Variants in DGKB observed in about 807,000 individuals in gnomAD.
The protein encoded by DGKB is 90 kDa diacylglycerol kinase.
In DGKB, 67 loss-of-function variants were observed where a neutral mutation model predicts 114.3. That is an observed-to-expected ratio of 0.59 (90% CI 0.48 to 0.72). The LOEUF (loss-of-function observed/expected upper bound fraction) is 0.72, where lower values mean the gene tolerates loss of function less well. Among genes scored for constraint, DGKB ranks in the 30% least tolerant of loss-of-function variants. DGKB has a pLI of 0.00. For synonymous variants in DGKB, 398 were observed against 323.1 expected (o/e 1.23, Z -2.49); for missense variants, 907 against 975.2 (o/e 0.93, Z 0.93).
At chr7:14,877,303 C>A (rs2128207070) in intron 1 of DGKB, among the ~76,000 whole-genome samples, 1 of 152,270 alleles carries the variant, frequency 6.6e-6, no homozygotes, top group East Asian at 1.9e-4. Context: ...TGCCTGTAAT[C>A]CCAGCACTTT....
At chr7:14,367,315 T>A (rs1035971198) in intron 21 of DGKB, among the ~76,000 whole-genome samples, 1 of 152,028 alleles carries the variant, frequency 6.6e-6, no homozygotes, top group Non-Finnish European at 1.5e-5. Flanking sequence ...GTGAGAGGGA[T>A]CCAGTGACAG....
chr7:14,712,138 G>A (rs1585890239), intron 6 of DGKB, among the ~76,000 whole-genome samples: 1 of 151,944 alleles, frequency 6.6e-6, no homozygotes, highest in Non-Finnish European at 1.5e-5. Flanking sequence ...TTAAATGTAA[G>A]GAAAAAGTGG....
At chr7:14,758,775 C>A (rs924776158) in intron 2 of DGKB, among the ~76,000 whole-genome samples, 1 of 152,106 alleles carries the variant, frequency 6.6e-6, no homozygotes, top group African/African-American at 2.4e-5. Context: ...CTCATAGATG[C>A]CCATTGAATA....
Position 14,958,966 on chromosome 7 carries a change from T to C in DGKB, c.-188+15730A>G, listed in dbSNP as rs186153927. ...GAATCCAAATAAAAAGCTAACCACA[T>C]GATTCCAAAGTTTTATTCTGGAATT... On this transcript the variant is annotated intron_variant, in intron 1 of 4. Coordinates refer to the DGKB transcript ENST00000437998. 1.2e-4 allele frequency among the ~76,000 whole-genome samples: 18 copies of C among 152,194 alleles called. No individual in the cohort carries two copies. In the East Asian group the frequency reaches 1.7e-3, roughly 15 times the overall value.
chr7:14,447,638 T>G (rs1830906902), intron 21 of DGKB, among the ~76,000 whole-genome samples: 1 of 152,110 alleles, frequency 6.6e-6, no homozygotes. Context: ...TCTCCATCAT[T>G]GCATCCTAAA....
At chr7:14,321,136 C>T (rs901731766) in intron 23 of DGKB, among the ~76,000 whole-genome samples, 2 of 151,818 alleles carry the variant, frequency 1.3e-5, no homozygotes, top group Non-Finnish European at 2.9e-5. Flanking sequence ...ACAAAAAATA[C>T]AAAACTTAGC....
In DGKB at chr7:14,535,104, T is replaced by G. The variant is rs535948493; in HGVS notation, c.1770+39108A>C. Among the ~76,000 whole-genome samples, 3 of 152,240 alleles carry G rather than the reference T, an allele frequency of 2.0e-5. No homozygotes were observed. In the East Asian group the frequency reaches 5.8e-4, roughly 29 times the overall value. ...AGAATAAATGGCAAGGCACAGTGGC[T>G]CACACTTGTAATCCCAAAATTTTGG... On this transcript the variant is annotated intron_variant, in intron 20 of 25. Coordinates refer to ENST00000402815, the MANE Select transcript of DGKB (RefSeq NM_001350709.2).
At chr7:14,965,968 G>C (rs974207247) in intron 1 of DGKB, among the ~76,000 whole-genome samples, 5 of 151,910 alleles carry the variant, frequency 3.3e-5, no homozygotes, top group African/African-American at 1.2e-4. Context: ...TCCCAAATCT[G>C]ATACCCTGGT....
chr7:14,721,655 A>T (rs949960144), intron 5 of DGKB, among the ~76,000 whole-genome samples: 2 of 152,188 alleles, frequency 1.3e-5, no homozygotes, highest in Non-Finnish European at 1.5e-5. Flanking sequence ...CTTATATAAA[A>T]GAAATATGGG....
intron 2 of DGKB, among the ~76,000 whole-genome samples, chr7:14,815,559 C>T (rs1844013837): frequency 6.6e-6 from 1 of 152,186 alleles, no homozygotes; most frequent in Non-Finnish European, 1.5e-5. Context: ...TACATAGGTG[C>T]TATGGCACAT....
intron 9 of DGKB, among the ~76,000 whole-genome samples, chr7:14,693,621 C>T (rs919644121): frequency 2.0e-5 from 3 of 151,128 alleles, no homozygotes; most frequent in African/African-American, 7.3e-5. Context: ...TTTGGCACCA[C>T]TAATCTTTAA....
chr7:14,459,810 T>C (rs1244335455), intron 21 of DGKB, among the ~76,000 whole-genome samples: 1 of 151,466 alleles, frequency 6.6e-6, no homozygotes, highest in African/African-American at 2.4e-5. Flanking sequence ...TTCACCAAGG[T>C]TGAAATGAAG....
intron 13 of DGKB, among the ~76,000 whole-genome samples, chr7:14,667,089 C>G (rs1818167078): frequency 6.6e-6 from 1 of 152,018 alleles, no homozygotes; most frequent in South Asian, 2.1e-4. Context: ...TTATAAAAAG[C>G]ATTTCATCAG....
intron 7 of DGKB, among the ~76,000 whole-genome samples, chr7:14,698,606 G>A (rs1267406461): frequency 6.6e-6 from 1 of 152,064 alleles, no homozygotes; most frequent in Non-Finnish European, 1.5e-5. Context: ...AATATACATT[G>A]ACTGTTTTAG....
intron 20 of DGKB, among the ~76,000 whole-genome samples, chr7:14,503,016 C>T (rs565381302): frequency 1.2e-4 from 19 of 152,190 alleles, no homozygotes; most frequent in African/African-American, 4.3e-4. Context: ...CTAGCTCTTT[C>T]TTTGACTTTC....
intron 21 of DGKB, among the ~76,000 whole-genome samples, chr7:14,371,702 G>A (rs1023177218): frequency 2.6e-5 from 4 of 152,116 alleles, no homozygotes; most frequent in South Asian, 4.1e-4. Context: ...GATAATTTTT[G>A]CTTTTGTTGC....
intron 25 of DGKB, among the ~76,000 whole-genome samples, chr7:14,155,542 G>A (rs181368943): frequency 1.6e-3 from 247 of 152,162 alleles, no homozygotes; most frequent in African/African-American, 5.6e-3. Context: ...TTAGGGGCTG[G>A]TGCCATACCA....
chr7:14,715,292 G>T (rs796451764), intron 6 of DGKB, among the ~76,000 whole-genome samples: 23 of 152,284 alleles, frequency 1.5e-4, no homozygotes, highest in African/African-American at 5.5e-4. Flanking sequence ...GTTCTCGACA[G>T]TTACAAGGCT....
chr7:14,970,433 C>A (rs927539828), intron 1 of DGKB, among the ~76,000 whole-genome samples: 4 of 150,900 alleles, frequency 2.7e-5, no homozygotes, highest in Non-Finnish European at 5.9e-5. Flanking sequence ...AACCTTGAGG[C>A]AGAAACAGGT....
Sources: gnomAD v4.1 joint callset for allele counts (sites outside exome capture counted in the v4.1 genomes callset) on GRCh38, gnomAD v4.1.1 for gene constraint, MANE v1.5 for transcripts, NCBI Gene and HGNC (gene_info 2026-07-23, HGNC 2026-07-21) for gene names.